BAZ1B: variants seen among roughly 807,000 people sequenced by gnomAD.
BAZ1B encodes tyrosine-protein kinase BAZ1B.
A neutral mutation model predicts 153.8 loss-of-function variants in BAZ1B; 22 were observed. That is an observed-to-expected ratio of 0.14 (90% confidence interval 0.10 to 0.20). The LOEUF (loss-of-function observed/expected upper bound fraction) is 0.20. BAZ1B is among the 10% of genes least tolerant of loss of function. BAZ1B has a pLI of 1.00. For synonymous variants in BAZ1B, 676 were observed against 633.4 expected, an observed-to-expected ratio of 1.07 and a Z score of -1.01; for missense variants, 1,325 against 1,799.3, an observed-to-expected ratio of 0.74 and a Z score of 4.77.
At chr7:73,516,549 C>T (rs925096441) in intron 1 of BAZ1B, among the ~76,000 whole-genome samples, 1 of 151,616 alleles carries the variant, frequency 6.6e-6, no homozygotes, top group African/African-American at 2.4e-5. Context: ...CTGTGGGAGG[C>T]CGAGGGGGTG....
intron 4 of BAZ1B, among the ~76,000 whole-genome samples, chr7:73,495,708 G>A (rs1458165999): frequency 2.6e-5 from 4 of 152,176 alleles, no homozygotes; most frequent in Admixed American, 2.6e-4. Context: ...CCATAAAAAA[G>A]AATGAGATCA....
At chr7:73,507,164 T>C (rs2116444401) in intron 3 of BAZ1B, 1 of 152,086 alleles carries the variant, frequency 6.6e-6, no homozygotes, top group Non-Finnish European at 1.5e-5. Flanking sequence ...AGGTGTGAGC[T>C]ACCACGCCCG....
chr7:73,510,920 C>T, intron 1 of BAZ1B, 68 bp from the exon 2 acceptor site: 1 of 1,275,266 alleles, frequency 7.8e-7, no homozygotes, highest in African/African-American at 1.5e-5. Flanking sequence ...CCATAAGATA[C>T]TTATATACAG....
At chr7:73,509,735 T>C (rs138685967) in intron 2 of BAZ1B, among the ~76,000 whole-genome samples, 2 of 151,722 alleles carry the variant, frequency 1.3e-5, no homozygotes, top group East Asian at 1.9e-4. Flanking sequence ...AGCGTTAACA[T>C]GTTGGAAACG....
rs201256871 is a variant in BAZ1B at position 73,510,849 on chromosome 7, C to T, written c.111G>A (p.Glu37=). The T allele has an allele frequency of 2.5e-5, 41 of 1,613,810 alleles. No homozygotes were observed. The highest frequency in any genetic ancestry group is 3.3e-5 in the Non-Finnish European group (39 of 1,179,848). The part of the protein sequence containing the change: ...HTQEAFRTRE[E]YEARLERYSE... Reference sequence around the variant, plus strand: ...TGTACCTTTCCAAGCGGGCTTCATACTCTCTGTTGGCAGTAGTTCAGGAAA... The same window carrying T: ...TGTACCTTTCCAAGCGGGCTTCATATTCTCTGTTGGCAGTAGTTCAGGAAA... The change falls in exon 2 of 20, where the codon GAG becomes GAA. Residue 37 remains glutamate (E), a synonymous_variant. Coordinates refer to ENST00000339594, the MANE Select transcript of BAZ1B (RefSeq NM_032408.4).
Position 73,480,987 on chromosome 7 carries a change from C to T in BAZ1B, c.892-2418G>A, listed in dbSNP as rs1225201493. Among the ~76,000 whole-genome samples the T allele has an allele frequency of 2.0e-5, 3 of 152,042 alleles. No individual in the cohort carries two copies. In the East Asian group the frequency reaches 5.8e-4, roughly 29 times the overall value. ...TGTCTCCCAGTCCGGAGTGCAGTAGCGCAATCCTGGCTCACTGCAACCTCC... is the reference window on the plus strand; with the variant it reads ...TGTCTCCCAGTCCGGAGTGCAGTAGTGCAATCCTGGCTCACTGCAACCTCC... On this transcript the variant is annotated intron_variant, in intron 6 of 19. Coordinates refer to ENST00000339594, the MANE Select transcript of BAZ1B (RefSeq NM_032408.4).
At chr7:73,501,891 T>TC (rs1359765278) in intron 3 of BAZ1B, among the ~76,000 whole-genome samples, 1 of 148,618 alleles carries the variant, frequency 6.7e-6, no homozygotes, top group African/African-American at 2.5e-5. Context: ...TCAAGAATTT[T>TC]TTTTTTTTTT....
intron 3 of BAZ1B, among the ~76,000 whole-genome samples, chr7:73,504,191 G>A (rs1205957327): frequency 2.0e-5 from 3 of 152,066 alleles, no homozygotes; most frequent in South Asian, 2.1e-4. Flanking sequence ...TCTGTTTCCT[G>A]CCAGGACACT....
intron 7 of BAZ1B, among the ~76,000 whole-genome samples, chr7:73,473,587 A>G (rs764946944): frequency 1.3e-5 from 2 of 152,202 alleles, no homozygotes; most frequent in Non-Finnish European, 2.9e-5. Context: ...TACACATTAC[A>G]TATGTATACT....
At chr7:73,455,236 C>T (rs947276647) in intron 13 of BAZ1B, among the ~76,000 whole-genome samples, 7 of 151,770 alleles carry the variant, frequency 4.6e-5, no homozygotes, top group African/African-American at 1.2e-4. Context: ...AACTTACTAG[C>T]GACTGGCACA....
chr7:73,458,760 A>G (rs1788287471), intron 13 of BAZ1B, among the ~76,000 whole-genome samples: 1 of 152,056 alleles, frequency 6.6e-6, no homozygotes, highest in South Asian at 2.1e-4. Context: ...GGCTGGGCGC[A>G]GTGGCTCACG....
At chr7:73,486,201 A>G (rs1212588792) in intron 6 of BAZ1B, among the ~76,000 whole-genome samples, 1 of 152,232 alleles carries the variant, frequency 6.6e-6, no homozygotes, top group Non-Finnish European at 1.5e-5. Flanking sequence ...AAGATTTTAG[A>G]AAACCACAAA....
Position 73,459,716 on chromosome 7 carries a change from G to T in BAZ1B, c.3252C>A (p.Val1084=). The T allele has an allele frequency of 6.3e-7, 1 of 1,586,688 alleles. No individual in the cohort carries two copies. Among genetic ancestry groups the T allele is most frequent in the South Asian group, 1.2e-5 (1 of 86,912 alleles). Reference sequence around the variant, plus strand: ...AATCCTTCAATTTCTCTAATGAAATGACCTATAGGAAAGGATTTTAAAACC... The same window carrying T: ...AATCCTTCAATTTCTCTAATGAAATTACCTATAGGAAAGGATTTTAAAACC... ...VEETSEFEAR[V]ISLEKLKDFG... The change falls in exon 13 of 20, where the codon GTC becomes GTA. Residue 1084 remains valine (V), a splice_region_variant and synonymous_variant. Coordinates refer to ENST00000339594, the MANE Select transcript of BAZ1B (RefSeq NM_032408.4).
intron 1 of BAZ1B, 73 bp downstream of exon 1, chr7:73,521,730 CGGGCCGGGGATGCGCGGCTGACCT>C: frequency 9.5e-7 from 1 of 1,056,824 alleles, no homozygotes; most frequent in South Asian, 2.1e-5. Context: ...ACAGCTGCCC[CGGGCCGGGGATGCGCGGCTGACCT>C]GGTCTCGCGA....
intron 1 of BAZ1B, among the ~76,000 whole-genome samples, chr7:73,516,772 C>CAAA (rs71517390): frequency 1.5e-4 from 8 of 53,446 alleles, no homozygotes; most frequent in Admixed American, 3.0e-4. Flanking sequence ...GTGACTGTCT[C>CAAA]AAAAAAAAAA....
intron 11 of BAZ1B, among the ~76,000 whole-genome samples, chr7:73,464,799 C>T (rs782578995): frequency 1.2e-4 from 18 of 152,168 alleles, no homozygotes; most frequent in Non-Finnish European, 1.2e-4. Context: ...GATCTTGGCT[C>T]AATGCAACCT....
chr7:73,476,625 A>C (rs1381229820), intron 7 of BAZ1B, among the ~76,000 whole-genome samples: 4 of 152,212 alleles, frequency 2.6e-5, no homozygotes, highest in Non-Finnish European at 4.4e-5. Context: ...CCTTTACTGA[A>C]CCCAGAAAAG....
intron 6 of BAZ1B, among the ~76,000 whole-genome samples, chr7:73,478,918 C>G (rs782579227): frequency 2.0e-5 from 3 of 152,126 alleles, no homozygotes; most frequent in Non-Finnish European, 2.9e-5. Context: ...GAGAATCCAT[C>G]CATGGACCCC....
At position 73,478,147 on chromosome 7, in the gene BAZ1B, C is replaced by T. The variant is rs782150001; in HGVS notation, c.1314G>A (p.Met438Ile). Residue 438 changes from methionine to isoleucine, a missense_variant, in exon 7 of 20, where the codon ATG becomes ATA. Around this residue, in one of 9 missense-constraint regions of BAZ1B, gnomAD observed 219 missense variants for 248.2 expected, o/e 0.88. Transcript: ENST00000339594. ...TGCCTTTGGCCATATCCAACAAAGTCATCTGCTTCATTTTGGTTTTAGGAG... is the reference window on the plus strand; with the variant it reads ...TGCCTTTGGCCATATCCAACAAAGTTATCTGCTTCATTTTGGTTTTAGGAG... The part of the protein sequence containing the change: ...LKTPKTKMKQ[M>I]TLLDMAKGTQ... 3.1e-6 allele frequency: 5 copies of T among 1,614,072 alleles called. No homozygotes were observed. The African/African-American group carries it at 4.0e-5, about 13-fold the overall frequency.
Sources: gnomAD v4.1 joint callset for allele counts (sites outside exome capture counted in the v4.1 genomes callset) on GRCh38, gnomAD v4.1.1 for gene constraint, gnomAD v4.1.1 regional missense constraint, MANE v1.5 for transcripts, NCBI Gene and HGNC (gene_info 2026-07-23, HGNC 2026-07-21) for gene names.